Variants in STRBP observed in about 807,000 individuals in gnomAD.
The protein encoded by STRBP is spermatid perinuclear RNA binding protein.
Under a neutral mutation model 80.1 loss-of-function variants are expected in STRBP, and 13 were observed. That is an observed-to-expected ratio of 0.16 (90% CI 0.11 to 0.26). The LOEUF (loss-of-function observed/expected upper bound fraction) is 0.26, where lower values mean the gene tolerates loss of function less well. Among genes scored for constraint, STRBP ranks in the 10% least tolerant of loss-of-function variants. STRBP has a pLI of 1.00. For missense variants in STRBP, 485 were observed against 815.2 expected (o/e 0.59, Z 4.93); for synonymous variants, 284 against 291.2 (o/e 0.98, Z 0.25).
Position 123,122,759 on chromosome 9 carries a change from C to T in STRBP, c.*2838G>A, listed in dbSNP as rs1388967133. 2 of 991,994 alleles carry T rather than the reference C, an allele frequency of 2.0e-6. No homozygotes were observed. The highest frequency in any genetic ancestry group is 2.4e-6 in the Non-Finnish European group (2 of 834,284). The allele number at this position is 991,994 out of a possible 1,614,324, so 61.4% of individuals were successfully genotyped here. A position where few individuals can be genotyped will look rare whatever the true frequency, so the allele number is the denominator to read the frequency against. Reference sequence around the variant, plus strand: ...CCCTATCTCTGAGAAATTATAGTAACGCTAACTGACGCAGTCAGGAATGTA... The same window carrying T: ...CCCTATCTCTGAGAAATTATAGTAATGCTAACTGACGCAGTCAGGAATGTA... On this transcript the variant is annotated 3_prime_UTR_variant, in exon 19 of 19. Transcript: ENST00000348403.
At chr9:123,117,108 A>C (rs1588433580), downstream of STRBP, among the ~76,000 whole-genome samples, 2 of 152,184 alleles carry the variant, frequency 1.3e-5, no homozygotes, top group Admixed American at 1.3e-4. Flanking sequence ...CAGTACAGCA[A>C]GTCATGAAAT....
At chr9:123,140,186 C>A (rs1029849268) in intron 13 of STRBP, among the ~76,000 whole-genome samples, 1 of 152,166 alleles carries the variant, frequency 6.6e-6, no homozygotes, top group Non-Finnish European at 1.5e-5. Context: ...GAGAAATTGG[C>A]CCAGAAAGGC....
chr9:123,122,718 T>C lies in STRBP; in HGVS notation c.*2879A>G. The C allele has an allele frequency of 1.0e-6, 1 of 1,001,756 alleles. No individual in the cohort carries two copies. Among genetic ancestry groups the C allele is most frequent in the African/African-American group, 1.7e-5 (1 of 57,536 alleles). The allele number at this position is 1,001,756 out of a possible 1,614,324, so 62.1% of individuals were successfully genotyped here. A position where few individuals can be genotyped will look rare whatever the true frequency, so the allele number is the denominator to read the frequency against. ...GGGGCCAGTCCCCGTGCAGAGGATA[T>C]GGCTTCAAGGAGGACCCCTATCTCT... On this transcript the variant is annotated 3_prime_UTR_variant, in exon 19 of 19. Transcript: ENST00000348403.
At chr9:123,140,331 A>T (rs2036536057) in intron 13 of STRBP, among the ~76,000 whole-genome samples, 2 of 152,240 alleles carry the variant, frequency 1.3e-5, no homozygotes, top group Admixed American at 1.3e-4. Flanking sequence ...GCGGTGGCTC[A>T]TGCCTGTAAT....
chr9:123,163,813 A>C (rs1218747317), intron 6 of STRBP, among the ~76,000 whole-genome samples: 3 of 152,070 alleles, frequency 2.0e-5, no homozygotes, highest in Non-Finnish European at 4.4e-5. Flanking sequence ...GCAGAATCTC[A>C]ACTTTAATAT....
At chr9:123,132,235 C>T (rs1413387453) in intron 17 of STRBP, among the ~76,000 whole-genome samples, 2 of 152,042 alleles carry the variant, frequency 1.3e-5, no homozygotes, top group Non-Finnish European at 2.9e-5. Flanking sequence ...GCCTTATCTC[C>T]CTAAATACCA....
rs1588432345 is a variant in STRBP, at chr9:123,115,834, T to G, written c.*84+95A>C. 2.8e-6 allele frequency: 1 copy of G among 355,098 alleles called. No homozygotes were observed. The highest frequency in any genetic ancestry group is 2.2e-5 in the South Asian group (1 of 45,710). 22.0% of individuals were successfully genotyped at this position (355,098 alleles called of 1,614,324 possible). On this transcript the variant is annotated intron_variant and NMD_transcript_variant, in intron 3 of 3. Transcript: ENST00000471564. This position sits in a 1 kb window ranked among gnomAD's most constrained non-coding sequence, Gnocchi z 5.0. ...AGGCTGCGTCTGTCATCGCGGGAGG[T>G]GTATTTTAGCTCAAATTGCCCCACT...
chr9:123,173,634 CT>C (rs1469481194), intron 5 of STRBP, 42 bp downstream of exon 5: 13 of 1,554,494 alleles, frequency 8.4e-6, no homozygotes, highest in South Asian at 1.2e-5. Flanking sequence ...CCTATTTCAC[CT>C]TTTTACAAAT....
rs1028874540 is a variant in STRBP at position 123,136,644 on chromosome 9, G to A, written c.1498-129C>T. ...TCAAAGCACTCAGGGGCTAGAATGA[G>A]TCACCTCTTTACACAAATGGCAAAA... is the stretch of plus-strand genomic sequence containing the variant. On this transcript the variant is annotated intron_variant, in intron 14 of 18. Transcript: ENST00000348403. This position sits in a 1 kb window ranked among gnomAD's most constrained non-coding sequence, Gnocchi z 4.2. 3 of 1,080,238 alleles carry A rather than the reference G, an allele frequency of 2.8e-6. No individual in the cohort carries two copies. The highest frequency in any genetic ancestry group is 5.6e-5 in the Admixed American group (2 of 35,768). 66.9% of individuals were successfully genotyped at this position (1,080,238 alleles called of 1,614,324 possible).
Position 123,184,186 on chromosome 9 carries a change from G to A in STRBP, c.-52C>T. The A allele has an allele frequency of 1.3e-6, 2 of 1,592,718 alleles. No homozygotes were observed. The highest frequency in any genetic ancestry group is 1.7e-6 in the Non-Finnish European group (2 of 1,165,920). Reference sequence around the variant, plus strand: ...TTTCCGATCCTTTCCCCTCTTTCTTGTCGTCTTCACTAGACACTGTTTTGT... The same window carrying A: ...TTTCCGATCCTTTCCCCTCTTTCTTATCGTCTTCACTAGACACTGTTTTGT... On this transcript the variant is annotated 5_prime_UTR_variant, in exon 3 of 19. Coordinates refer to ENST00000348403, the MANE Select transcript of STRBP (RefSeq NM_018387.5).
chr9:123,160,113 G>C (rs761093870), intron 8 of STRBP, among the ~76,000 whole-genome samples: 2 of 152,044 alleles, frequency 1.3e-5, no homozygotes, highest in Non-Finnish European at 2.9e-5. Context: ...ACTTCTAAAA[G>C]GTATAAAACC....
intron 16 of STRBP, among the ~76,000 whole-genome samples, chr9:123,135,076 T>C (rs1165962120): frequency 6.6e-6 from 1 of 152,222 alleles, no homozygotes; most frequent in Non-Finnish European, 1.5e-5. Flanking sequence ...AAAATGTCCA[T>C]GGCCTTTGGG....
chr9:123,132,870 T>G lies in STRBP; in HGVS notation c.1872A>C (p.Thr624=). 6.2e-7 allele frequency: 1 copy of G among 1,614,130 alleles called. No individual in the cohort carries two copies. Among genetic ancestry groups the G allele is most frequent in the African/African-American group, 1.3e-5 (1 of 75,066 alleles). Residue 624 remains threonine, a synonymous_variant, in exon 17 of 19, where the codon ACA becomes ACC. Coordinates refer to ENST00000348403, the MANE Select transcript of STRBP (RefSeq NM_018387.5). ...TLTRGAFVGA[T]AAPGYIAPGY... ...CTGGAGCTATGTAGCCAGGAGCAGC[T>G]GTCGCCCCAACAAAAGCTCCCCTTG... is the stretch of plus-strand genomic sequence containing the variant.
intron 2 of STRBP, among the ~76,000 whole-genome samples, chr9:123,224,662 A>G (rs1017688208): frequency 6.6e-6 from 1 of 152,252 alleles, no homozygotes; most frequent in African/African-American, 2.4e-5. Context: ...GTAACTGATT[A>G]GGTAGACTCA....
At chr9:123,182,017 C>A (rs891853863) in intron 3 of STRBP, among the ~76,000 whole-genome samples, 1 of 151,126 alleles carries the variant, frequency 6.6e-6, no homozygotes, top group Non-Finnish European at 1.5e-5. Flanking sequence ...GAGTTCAAGA[C>A]CAGCCTGGCC....
At chr9:123,184,431 C>T in intron 2 of STRBP, 133 bp from the exon 3 acceptor site, 1 of 248,356 alleles carries the variant, frequency 4.0e-6, no homozygotes, top group African/African-American at 2.2e-5. Flanking sequence ...TCAGTTCAAA[C>T]AAAAAGCTAA....
At chr9:123,230,088 G>A (rs2040356405) in intron 2 of STRBP, among the ~76,000 whole-genome samples, 1 of 152,058 alleles carries the variant, frequency 6.6e-6, no homozygotes, top group Non-Finnish European at 1.5e-5. Context: ...TAATGACTAT[G>A]GAATTTAAGC....
intron 2 of STRBP, among the ~76,000 whole-genome samples, chr9:123,203,535 C>T (rs1050041224): frequency 3.9e-5 from 6 of 152,138 alleles, no homozygotes; most frequent in Admixed American, 3.3e-4. Context: ...GCTCTACTCA[C>T]AATAGTATCC....
rs186386616 is a variant in STRBP, at chr9:123,168,247, T to C, written c.535+1655A>G. ...CATTTTATAGTTCTACAGTTAATGG[T>C]GAACTGTAAAGCTGTTAAAAAAATT... On this transcript the variant is annotated intron_variant, in intron 6 of 18. Coordinates refer to ENST00000348403, the MANE Select transcript of STRBP (RefSeq NM_018387.5). 1.3e-5 allele frequency: 13 copies of C among 982,862 alleles called. No individual in the cohort carries two copies. The Admixed American group carries it at 6.8e-4, about 51-fold the overall frequency. The allele number at this position is 982,862 out of a possible 1,614,324, so 60.9% of individuals were successfully genotyped here. A position where few individuals can be genotyped will look rare whatever the true frequency, so the allele number is the denominator to read the frequency against.
Sources: gnomAD v4.1 joint callset for allele counts (sites outside exome capture counted in the v4.1 genomes callset) on GRCh38, gnomAD v4.1.1 for gene constraint, Gnocchi (gnomAD v3.1) non-coding constraint, MANE v1.5 for transcripts, NCBI Gene and HGNC (gene_info 2026-07-23, HGNC 2026-07-21) for gene names.